MTMR3: variants seen among roughly 807,000 people sequenced by gnomAD.
The protein encoded by MTMR3 is myotubularin related protein 3, also known as phosphatidylinositol-3,5-bisphosphate 3-phosphatase MTMR3.
MTMR3 carries 32 observed loss-of-function variants against 132.4 expected under a neutral mutation model. The ratio of observed to expected loss-of-function variants is 0.24; its 90% confidence interval spans 0.18 to 0.32. The LOEUF is 0.32. Among genes scored for constraint, MTMR3 ranks in the 10% least tolerant of loss-of-function variants. The pLI is 1.00. For missense variants in MTMR3, 1,216 were observed against 1,489.6 expected (o/e 0.82, Z 3.02); for synonymous variants, 556 against 550.3 (o/e 1.01, Z -0.14).
intron 1 of MTMR3, among the ~76,000 whole-genome samples, chr22:29,932,767 A>G (rs2065671064): frequency 6.6e-6 from 1 of 152,162 alleles, no homozygotes; most frequent in Non-Finnish European, 1.5e-5. Context: ...TAACTTTGCT[A>G]TGTTATGTGA....
intron 7 of MTMR3, chr22:29,994,777 C>T (rs2067029839): frequency 6.6e-6 from 1 of 152,198 alleles, no homozygotes; most frequent in Admixed American, 6.5e-5. Context: ...TAGTTTCTGG[C>T]TGTTGAACCG....
At chr22:30,007,562 G>A in intron 10 of MTMR3, 4 of 579,842 alleles carry the variant, frequency 6.9e-6, no homozygotes, top group Admixed American at 3.1e-5. Context: ...CAAAAATGGA[G>A]TGTTTATGTA....
intron 1 of MTMR3, among the ~76,000 whole-genome samples, chr22:29,951,027 T>G (rs1053603681): frequency 6.6e-6 from 1 of 152,032 alleles, no homozygotes; most frequent in African/African-American, 2.4e-5. Context: ...GGCATGAGCT[T>G]GTAATCTCAG....
intron 1 of MTMR3, among the ~76,000 whole-genome samples, chr22:29,885,257 A>G (rs1373010321): frequency 6.6e-6 from 1 of 152,174 alleles, no homozygotes; most frequent in Non-Finnish European, 1.5e-5. Context: ...AGGCATGTGA[A>G]CTTTTGCTTT....
chr22:29,899,572 C>A (rs5763589), intron 1 of MTMR3: 2 of 152,074 alleles, frequency 1.3e-5, no homozygotes, highest in African/African-American at 2.4e-5. Flanking sequence ...TTAAATAATA[C>A]TACTGTAATA....
intron 2 of MTMR3, 52 bp downstream of exon 2, chr22:29,957,140 CTG>C (rs1442141129): frequency 1.3e-5 from 2 of 150,682 alleles, no homozygotes; most frequent in East Asian, 1.9e-4. Context: ...AATACTCTCT[CTG>C]TGCTGTTTCG....
rs1437207129 is a variant in MTMR3, at chr22:30,009,047, A to G, written c.1039A>G (p.Met347Val). The stretch of plus-strand genomic sequence containing the variant: ...TTACCCAAACTGTGAAGTTGTGTTT[A>G]TGGGGATGGCAAACATTCATTCTAT... ...EYYPNCEVVF[M>V]GMANIHSIRR... Residue 347 changes from methionine to valine, a missense_variant, in exon 12 of 20, where the codon ATG becomes GTG. Around this residue, in one of 7 missense-constraint regions of MTMR3, gnomAD observed 106 missense variants for 209.5 expected, o/e 0.51. Coordinates refer to ENST00000401950, the MANE Select transcript of MTMR3 (RefSeq NM_021090.4). 1.2e-5 allele frequency: 20 copies of G among 1,612,658 alleles called. No homozygotes were observed. The highest frequency in any genetic ancestry group is 1.6e-5 in the Non-Finnish European group (19 of 1,178,830).
chr22:29,970,908 A>C (rs1397008834), intron 2 of MTMR3, 68 bp from the exon 3 acceptor site: 1 of 675,854 alleles, frequency 1.5e-6, no homozygotes, highest in East Asian at 2.7e-5. Flanking sequence ...TAGGGGAAAA[A>C]CTATTGCCAA....
At chr22:29,962,451 G>C (rs144879099) in intron 2 of MTMR3, among the ~76,000 whole-genome samples, 131 of 152,174 alleles carry the variant, frequency 8.6e-4, no homozygotes, top group African/African-American at 3.1e-3. Context: ...AGGATTGTTT[G>C]AGGTTGGGAA....
At chr22:29,929,531 A>G (rs965426242) in intron 1 of MTMR3, among the ~76,000 whole-genome samples, 2 of 150,824 alleles carry the variant, frequency 1.3e-5, no homozygotes, top group African/African-American at 4.9e-5. Flanking sequence ...TTTTTCTTAG[A>G]CAGAGTCTTG....
intron 12 of MTMR3, chr22:30,011,512 G>A (rs1339858833): frequency 2.6e-5 from 4 of 152,250 alleles, no homozygotes; most frequent in African/African-American, 9.7e-5. Flanking sequence ...ACAGGCGTGT[G>A]CCACTATGCC....
At chr22:29,998,590 C>T in intron 7 of MTMR3, 171 bp from the exon 8 acceptor site, 1 of 308,564 alleles carries the variant, frequency 3.2e-6, no homozygotes, top group East Asian at 6.0e-5. Context: ...TTTCAGTGAG[C>T]TGAGATCACA....
chr22:29,887,515 T>A (rs73161099), intron 1 of MTMR3, among the ~76,000 whole-genome samples: 1 of 152,154 alleles, frequency 6.6e-6, no homozygotes, highest in Non-Finnish European at 1.5e-5. Flanking sequence ...ATCACTGATA[T>A]GGCAACAGAG....
At chr22:29,973,523 T>C (rs2066575493) in intron 3 of MTMR3, among the ~76,000 whole-genome samples, 1 of 152,246 alleles carries the variant, frequency 6.6e-6, no homozygotes, top group Non-Finnish European at 1.5e-5. Flanking sequence ...TTTTCACTTC[T>C]ACGCTTTGCA....
chr22:30,002,002 GGA>G (rs2067185495), intron 8 of MTMR3: 1 of 152,208 alleles, frequency 6.6e-6, no homozygotes, highest in African/African-American at 2.4e-5. Flanking sequence ...TGGTGTTGGT[GGA>G]GTTTGTGTGT....
At chr22:29,970,948 T>TTTTTCCCC in intron 2 of MTMR3, 28 bp from the exon 3 acceptor site, 1 of 685,456 alleles carries the variant, frequency 1.5e-6, no homozygotes, top group Non-Finnish European at 2.3e-6. Context: ...TTTTTTTTCT[T>TTTTTCCCC]CTTCCCCCTC....
intron 1 of MTMR3, among the ~76,000 whole-genome samples, chr22:29,901,693 C>A (rs1401644242): frequency 2.0e-5 from 3 of 152,078 alleles, no homozygotes; most frequent in Non-Finnish European, 4.4e-5. Flanking sequence ...CAAAATCATG[C>A]AGTATTTAGC....
At chr22:29,950,363 A>ATTTTTT (rs138439307) in intron 1 of MTMR3, among the ~76,000 whole-genome samples, 1 of 149,626 alleles carries the variant, frequency 6.7e-6, no homozygotes, top group Non-Finnish European at 1.5e-5. Context: ...TTATTTTTTT[A>ATTTTTT]TTTATTTTTT....
chr22:29,934,152 A>G (rs1219843245), intron 1 of MTMR3, among the ~76,000 whole-genome samples: 1 of 152,204 alleles, frequency 6.6e-6, no homozygotes, highest in Non-Finnish European at 1.5e-5. Flanking sequence ...CAAGAGATCG[A>G]GACCATCCTG....
Sources: gnomAD v4.1 joint callset for allele counts (sites outside exome capture counted in the v4.1 genomes callset) on GRCh38, gnomAD v4.1.1 for gene constraint, gnomAD v4.1.1 regional missense constraint, MANE v1.5 for transcripts, NCBI Gene and HGNC (gene_info 2026-07-23, HGNC 2026-07-21) for gene names.